The following TAFA1 variants were observed in gnomAD, a reference collection of about 807,000 sequenced individuals.
The protein encoded by TAFA1 is chemokine-like protein TAFA-1.
Under a neutral mutation model 18.5 loss-of-function variants are expected in TAFA1, and 4 were observed. The observed-to-expected ratio is 0.22, with a 90% CI of 0.11 to 0.49. The LOEUF (loss-of-function observed/expected upper bound fraction) is 0.49. Ranked by LOEUF, TAFA1 falls within the 20% of genes least tolerant of loss-of-function variation. The probability of loss-of-function intolerance (pLI) is 0.98; values close to 1 mark genes in which losing one functional copy is unlikely to be tolerated. For missense variants in TAFA1, 147 were observed against 169.0 expected, an observed-to-expected ratio of 0.87 and a Z score of 0.72; for synonymous variants, 56 against 55.2, an observed-to-expected ratio of 1.01 and a Z score of -0.06.
chr3:68,406,699 T>C (rs972813914), intron 2 of TAFA1, among the ~76,000 whole-genome samples: 1 of 152,188 alleles, frequency 6.6e-6, no homozygotes, highest in Non-Finnish European at 1.5e-5. Context: ...TCAGCCTTAT[T>C]TTAACAAAAA....
intron 3 of TAFA1, among the ~76,000 whole-genome samples, chr3:68,475,004 A>G (rs1001128760): frequency 2.6e-5 from 4 of 152,016 alleles, no homozygotes; most frequent in Admixed American, 2.6e-4. Context: ...CTAAGATCGT[A>G]CTTCTTTATC....
intron 2 of TAFA1, among the ~76,000 whole-genome samples, chr3:68,074,568 T>C (rs1424803179): frequency 6.6e-6 from 1 of 152,034 alleles, no homozygotes; most frequent in Non-Finnish European, 1.5e-5. Flanking sequence ...GACACTAAAA[T>C]GAAAAAGAAA....
chr3:68,377,356 T>A (rs1247398086), intron 2 of TAFA1, among the ~76,000 whole-genome samples: 1 of 152,108 alleles, frequency 6.6e-6, no homozygotes, highest in Non-Finnish European at 1.5e-5. Context: ...ACTTAGGTGG[T>A]CTTAGATGGA....
At chr3:68,154,128 C>T (rs995052685) in intron 2 of TAFA1, among the ~76,000 whole-genome samples, 5 of 152,248 alleles carry the variant, frequency 3.3e-5, no homozygotes, top group Admixed American at 1.3e-4. Context: ...ATTTGGTGTT[C>T]AGGGATCCTG....
intron 3 of TAFA1, among the ~76,000 whole-genome samples, chr3:68,489,527 C>T (rs932452257): frequency 1.3e-5 from 2 of 152,118 alleles, no homozygotes; most frequent in African/African-American, 4.8e-5. Context: ...AAAGCATTTC[C>T]CATACTGTGG....
chr3:68,065,740 GTATA>G lies in TAFA1; in HGVS notation c.118+59019_118+59022del, dbSNP rs60396289. Among the ~76,000 whole-genome samples the G allele has an allele frequency of 2.4e-3, 322 of 133,406 alleles. 2 individuals are homozygous for G. The East Asian group carries it at 0.031, about 13-fold the overall frequency. The allele number at this position is 133,406 out of a possible 152,430, so 87.5% of individuals were successfully genotyped here. On this transcript the variant is annotated intron_variant, in intron 2 of 4. Coordinates refer to ENST00000478136, the MANE Select transcript of TAFA1 (RefSeq NM_213609.4). ...GATGTTTGTGTGTATGTGTGTGTGT[GTATA>G]TATATATATATATATATATATACAC...
intron 2 of TAFA1, among the ~76,000 whole-genome samples, chr3:68,378,512 C>T (rs532629161): frequency 6.6e-6 from 1 of 152,242 alleles, no homozygotes; most frequent in Middle Eastern, 3.4e-3. Flanking sequence ...GCAGAAGGGA[C>T]TTGCCTTCTC....
At chr3:68,466,332 G>T (rs1163020686) in intron 3 of TAFA1, among the ~76,000 whole-genome samples, 1 of 152,098 alleles carries the variant, frequency 6.6e-6, no homozygotes, top group African/African-American at 2.4e-5. Flanking sequence ...TCTACAGTGG[G>T]CATAGAAGTG....
chr3:68,486,970 T>A (rs2072354518), intron 3 of TAFA1, among the ~76,000 whole-genome samples: 1 of 152,180 alleles, frequency 6.6e-6, no homozygotes, highest in Non-Finnish European at 1.5e-5. Context: ...CAGTAAGTTT[T>A]GACAACAAAA....
At chr3:68,507,562 G>T (rs906842126) in intron 3 of TAFA1, among the ~76,000 whole-genome samples, 2 of 151,992 alleles carry the variant, frequency 1.3e-5, no homozygotes, top group African/African-American at 4.8e-5. Flanking sequence ...GAAGAAACAG[G>T]TATTGTTCTA....
intron 2 of TAFA1, among the ~76,000 whole-genome samples, chr3:68,406,997 T>C (rs1267486095): frequency 6.6e-6 from 1 of 152,178 alleles, no homozygotes; most frequent in East Asian, 1.9e-4. Flanking sequence ...TGAAGAAATC[T>C]AGTGGGTGGG....
chr3:68,062,205 T>C (rs2064612491), intron 2 of TAFA1, among the ~76,000 whole-genome samples: 1 of 152,118 alleles, frequency 6.6e-6, no homozygotes, highest in Admixed American at 6.5e-5. Flanking sequence ...GTAGGTAATA[T>C]AGACTATCAA....
At chr3:68,288,382 A>AAATGAGCCAAATAAAATGCAGAATG (rs1391505973) in intron 2 of TAFA1, among the ~76,000 whole-genome samples, 2 of 150,476 alleles carry the variant, frequency 1.3e-5, no homozygotes, top group African/African-American at 2.4e-5. Context: ...AGTGAAAGCG[A>AAATGAGCCAAATAAAATGCAGAATG]AATGAGCCAA....
chr3:68,420,464 C>G lies in TAFA1; in HGVS notation c.259+3044C>G, dbSNP rs576076149. ...CAAACTCCTGGGCTCAAGCAACCCT[C>G]CTGCCCAGGCCTACCAAGGTGCTAG... On this transcript the variant is annotated intron_variant, in intron 3 of 4. Coordinates refer to ENST00000478136, the MANE Select transcript of TAFA1 (RefSeq NM_213609.4). Among the ~76,000 whole-genome samples the G allele has an allele frequency of 7.2e-5, 11 of 152,280 alleles. No individual in the cohort carries two copies. The East Asian group carries it at 2.1e-3, about 29-fold the overall frequency.
chr3:68,532,990 A>G (rs1052995591), intron 3 of TAFA1, among the ~76,000 whole-genome samples: 7 of 151,676 alleles, frequency 4.6e-5, no homozygotes, highest in Non-Finnish European at 8.8e-5. Context: ...AAGAGACACC[A>G]GTCACCATAG....
At chr3:68,414,768 C>T (rs777988644) in intron 2 of TAFA1, among the ~76,000 whole-genome samples, 4 of 152,182 alleles carry the variant, frequency 2.6e-5, no homozygotes, top group East Asian at 1.9e-4. Context: ...AGTGCAGTAA[C>T]TCAGGCGATC....
At chr3:68,444,413 A>G (rs753517839) in intron 3 of TAFA1, among the ~76,000 whole-genome samples, 2 of 151,890 alleles carry the variant, frequency 1.3e-5, no homozygotes, top group Non-Finnish European at 2.9e-5. Flanking sequence ...TTATTTTCTC[A>G]CATTGTCCAG....
intron 3 of TAFA1, among the ~76,000 whole-genome samples, chr3:68,463,091 GCTT>G (rs2071816576): frequency 6.6e-6 from 1 of 152,098 alleles, no homozygotes; most frequent in African/African-American, 2.4e-5. Flanking sequence ...TTATTTGGTT[GCTT>G]GTGATTATTA....
At chr3:68,402,313 C>G (rs1191522080) in intron 2 of TAFA1, among the ~76,000 whole-genome samples, 1 of 152,130 alleles carries the variant, frequency 6.6e-6, no homozygotes, top group Non-Finnish European at 1.5e-5. Flanking sequence ...CACAGATGGT[C>G]CCAGGTAGCT....
Sources: gnomAD v4.1 joint callset for allele counts (sites outside exome capture counted in the v4.1 genomes callset) on GRCh38, gnomAD v4.1.1 for gene constraint, MANE v1.5 for transcripts, NCBI Gene and HGNC (gene_info 2026-07-23, HGNC 2026-07-21) for gene names.